PPP1CC: variants seen among roughly 807,000 people sequenced by gnomAD.
PPP1CC encodes the protein protein phosphatase 1 catalytic subunit gamma, also known as serine/threonine-protein phosphatase PP1-gamma catalytic subunit.
A neutral mutation model predicts 38.4 loss-of-function variants in PPP1CC; 16 were observed. The observed-to-expected ratio is 0.42, with a 90% CI of 0.28 to 0.63. The LOEUF is 0.63. PPP1CC is among the 30% of genes least tolerant of loss of function. The probability of loss-of-function intolerance (pLI) is 0.25; values close to 1 mark genes in which losing one functional copy is unlikely to be tolerated. For synonymous variants in PPP1CC, 158 were observed against 136.0 expected (o/e 1.16, Z -1.13); for missense variants, 170 against 391.3 (o/e 0.43, Z 4.77).
chr12:110,728,159 G>T (rs976128306), intron 3 of PPP1CC, among the ~76,000 whole-genome samples: 3 of 152,168 alleles, frequency 2.0e-5, no homozygotes, highest in Admixed American at 2.0e-4. Context: ...CAGCACTTTG[G>T]GAAGCAGAGG....
At chr12:110,726,204 C>T (rs1372755408) in intron 3 of PPP1CC, 1 of 152,272 alleles carries the variant, frequency 6.6e-6, no homozygotes, top group Non-Finnish European at 1.5e-5. Flanking sequence ...ACCTGAACCA[C>T]ACCTCCCACC....
At position 110,741,391 on chromosome 12, in the gene PPP1CC, G is replaced by A. The variant is rs547498350; in HGVS notation, c.55+1262C>T. Among the ~76,000 whole-genome samples the A allele has an allele frequency of 2.1e-3, 325 of 152,254 alleles. 2 individuals carry two copies. Among genetic ancestry groups the A allele is most frequent in the African/African-American group, 7.6e-3 (316 of 41,546 alleles). On this transcript the variant is annotated intron_variant, in intron 1 of 6. Coordinates refer to ENST00000335007, the MANE Select transcript of PPP1CC (RefSeq NM_002710.4). ...CAACAATATTTTAGGACTGTATAAA[G>A]GCAAAAAGCAGTTGAAACTGCCAAG...
intron 2 of PPP1CC, among the ~76,000 whole-genome samples, chr12:110,731,264 ATTTTAC>A (rs998347349): frequency 7.5e-5 from 11 of 145,852 alleles, no homozygotes; most frequent in African/African-American, 2.8e-4. Flanking sequence ...GCCAAAGAAC[ATTTTAC>A]TTTTAAAAAC....
chr12:110,709,555 G>A, the PPP1CC span, among the ~76,000 whole-genome samples: 8 of 150,794 alleles, frequency 5.3e-5, no homozygotes, highest in Non-Finnish European at 3.0e-5. Flanking sequence ...AAGGCCATGG[G>A]GTCAAATAAT....
the PPP1CC span, among the ~76,000 whole-genome samples, chr12:110,709,537 C>A: frequency 6.7e-6 from 1 of 149,892 alleles, no homozygotes; most frequent in African/African-American, 2.5e-5. Context: ...CAAAAAACGT[C>A]AGACCAGAAG....
chr12:110,730,808 T>C, intron 2 of PPP1CC, 49 bp from the exon 3 acceptor site: 1 of 1,248,610 alleles, frequency 8.0e-7, no homozygotes, highest in Non-Finnish European at 1.1e-6. Context: ...TAAAGCTCAA[T>C]CCACTAACAA....
chr12:110,715,068 G>C (rs1485840666), downstream of PPP1CC, among the ~76,000 whole-genome samples: 10 of 151,784 alleles, frequency 6.6e-5, no homozygotes, highest in Admixed American at 6.6e-4. Flanking sequence ...CTGTTCTCTT[G>C]TTCACCAGCC....
At chr12:110,719,017 T>C (rs1238932389), downstream of PPP1CC, among the ~76,000 whole-genome samples, 1 of 152,134 alleles carries the variant, frequency 6.6e-6, no homozygotes, top group Non-Finnish European at 1.5e-5. Flanking sequence ...ACTCCAATAA[T>C]GATATAATCC....
downstream of PPP1CC, among the ~76,000 whole-genome samples, chr12:110,718,551 C>T (rs1424140058): frequency 1.3e-5 from 2 of 152,246 alleles, no homozygotes; most frequent in Middle Eastern, 3.4e-3. Context: ...AAAGCAAAGG[C>T]AAGTGACACT....
chr12:110,709,627 C>T, the PPP1CC span, among the ~76,000 whole-genome samples: 12 of 150,982 alleles, frequency 7.9e-5, no homozygotes, highest in South Asian at 1.0e-3. Context: ...GGTGTGATCT[C>T]GGCTCACTGC....
chr12:110,731,660 T>C, intron 2 of PPP1CC, 110 bp downstream of exon 2: 1 of 1,245,150 alleles, frequency 8.0e-7, no homozygotes, highest in Non-Finnish European at 1.1e-6. Context: ...AGTTCCAAGC[T>C]ATTCGCAAAC....
At chr12:110,729,217 C>T (rs1380936491) in intron 3 of PPP1CC, among the ~76,000 whole-genome samples, 1 of 116,528 alleles carries the variant, frequency 8.6e-6, no homozygotes, top group Non-Finnish European at 1.7e-5. Context: ...TTTTTTGAGA[C>T]GGAGTCTCAC....
chr12:110,719,292 G>A (rs984415484), downstream of PPP1CC, among the ~76,000 whole-genome samples: 4 of 152,228 alleles, frequency 2.6e-5, no homozygotes, highest in African/African-American at 7.2e-5. Context: ...CCTCAGGACC[G>A]GGGCTTGTTA....
At chr12:110,724,225 G>A (rs1376467650) in intron 4 of PPP1CC, among the ~76,000 whole-genome samples, 1 of 151,852 alleles carries the variant, frequency 6.6e-6, no homozygotes, top group Non-Finnish European at 1.5e-5. Context: ...GTGAGAGAGC[G>A]AGACTCTGTC....
In PPP1CC at chr12:110,721,027, T is replaced by C; in HGVS notation, c.*49A>G. The C allele has an allele frequency of 2.0e-6, 3 of 1,523,678 alleles. No individual in the cohort carries two copies. Among genetic ancestry groups the C allele is most frequent in the Non-Finnish European group, 2.7e-6 (3 of 1,098,340 alleles). 94.4% of individuals were successfully genotyped at this position (1,523,678 alleles called of 1,614,324 possible). A position where few individuals can be genotyped will look rare whatever the true frequency, so the allele number is the denominator to read the frequency against. ...CACATTACAGTCTTAAAAATGAAGG[T>C]TATATACTCTATGTTACAAGTCCCG... On this transcript the variant is annotated 3_prime_UTR_variant, in exon 7 of 7. Coordinates refer to ENST00000335007, the MANE Select transcript of PPP1CC (RefSeq NM_002710.4).
chr12:110,742,627 C>G, intron 1 of PPP1CC, 26 bp downstream of exon 1: 1 of 1,437,742 alleles, frequency 7.0e-7, no homozygotes, highest in Non-Finnish European at 9.2e-7. Flanking sequence ...CCGCCTCCCC[C>G]TTCAGCCGCC....
chr12:110,726,187 G>A (rs901874015), intron 3 of PPP1CC: 6 of 152,262 alleles, frequency 3.9e-5, no homozygotes, highest in African/African-American at 7.2e-5. Flanking sequence ...GCCAGCCCAA[G>A]CAACTGACCT....
intron 3 of PPP1CC, among the ~76,000 whole-genome samples, chr12:110,729,911 G>T (rs2069852882): frequency 6.6e-6 from 1 of 152,200 alleles, no homozygotes; most frequent in Non-Finnish European, 1.5e-5. Flanking sequence ...ATGGTTCTCA[G>T]ATTTCTACTA....
chr12:110,735,500 G>A (rs2069932837), intron 1 of PPP1CC, among the ~76,000 whole-genome samples: 2 of 152,188 alleles, frequency 1.3e-5, no homozygotes, highest in African/African-American at 4.8e-5. Context: ...CAAAGGAGAA[G>A]GTTGGGCACG....
Sources: allele counts gnomAD v4.1 joint callset (sites outside exome capture counted in the v4.1 genomes callset), GRCh38; gene constraint gnomAD v4.1.1; transcripts MANE v1.5; gene names NCBI Gene and HGNC (gene_info 2026-07-23, HGNC 2026-07-21).